The following WWOX variants were observed in gnomAD, a reference collection of about 807,000 sequenced individuals.
WWOX encodes WW domain containing oxidoreductase.
A neutral mutation model predicts 46.2 loss-of-function variants in WWOX; 69 were observed. The ratio of observed to expected loss-of-function variants is 1.49; its 90% confidence interval spans 1.23 to 1.82. The LOEUF is 1.82. Among genes scored for constraint, WWOX ranks in the 40% most tolerant of loss-of-function variants. WWOX has a pLI of 0.00. For synonymous variants in WWOX, 359 were observed against 202.6 expected (o/e 1.77, Z -6.56); for missense variants, 919 against 542.6 (o/e 1.69, Z -6.89).
At chr16:78,860,773 A>T (rs2052697861) in intron 8 of WWOX, among the ~76,000 whole-genome samples, 1 of 152,150 alleles carries the variant, frequency 6.6e-6, no homozygotes, top group African/African-American at 2.4e-5. Flanking sequence ...GAACTAGCTA[A>T]AATTAGGGAG....
intron 8 of WWOX, among the ~76,000 whole-genome samples, chr16:79,193,055 C>G (rs12443857): frequency 6.6e-6 from 1 of 152,194 alleles, no homozygotes; most frequent in Non-Finnish European, 1.5e-5. Context: ...CAAAGAGTTG[C>G]CAATTCTCTA....
intron 5 of WWOX, among the ~76,000 whole-genome samples, chr16:78,283,191 A>G (rs2079710082): frequency 6.6e-6 from 1 of 152,164 alleles, no homozygotes; most frequent in South Asian, 2.1e-4. Flanking sequence ...AGGCAACATG[A>G]CAACGTGCCT....
intron 6 of WWOX, among the ~76,000 whole-genome samples, chr16:78,411,927 A>G (rs2082690557): frequency 1.3e-5 from 2 of 152,196 alleles, no homozygotes; most frequent in African/African-American, 4.8e-5. Context: ...TCTACTGGAA[A>G]TCTGTTTCCG....
intron 5 of WWOX, among the ~76,000 whole-genome samples, chr16:78,376,549 A>C (rs921300647): frequency 2.0e-5 from 3 of 152,170 alleles, no homozygotes; most frequent in African/African-American, 7.2e-5. Flanking sequence ...GCTGATGACC[A>C]CTTGGGGTGA....
At chr16:79,032,870 A>G (rs866102868) in intron 8 of WWOX, among the ~76,000 whole-genome samples, 1 of 151,436 alleles carries the variant, frequency 6.6e-6, no homozygotes, top group Non-Finnish European at 1.5e-5. Flanking sequence ...TCACCCAGGT[A>G]TTAAGCCTAG....
chr16:78,353,482 A>G (rs1395117546), intron 5 of WWOX, among the ~76,000 whole-genome samples: 3 of 152,210 alleles, frequency 2.0e-5, no homozygotes, highest in Non-Finnish European at 4.4e-5. Flanking sequence ...AAGATGTTCA[A>G]TACGTAGCAC....
At chr16:78,945,930 C>T (rs1055011252) in intron 8 of WWOX, among the ~76,000 whole-genome samples, 3 of 152,108 alleles carry the variant, frequency 2.0e-5, no homozygotes, top group Admixed American at 1.3e-4. Flanking sequence ...CATCTCACCA[C>T]GTAGTCATTT....
intron 8 of WWOX, among the ~76,000 whole-genome samples, chr16:79,201,138 T>G: frequency 6.6e-6 from 1 of 152,090 alleles, no homozygotes; most frequent in East Asian, 1.9e-4. Context: ...AGGAGTCCAA[T>G]GTAAGGACTT....
intron 5 of WWOX, among the ~76,000 whole-genome samples, chr16:78,335,157 C>T (rs2080858902): frequency 6.6e-6 from 1 of 152,120 alleles, no homozygotes; most frequent in Non-Finnish European, 1.5e-5. Flanking sequence ...TTCCAGGGTA[C>T]ATGTGTAAGA....
chr16:78,783,888 T>TGAC lies in WWOX; in HGVS notation c.1056+351138_1056+351139insCGA, dbSNP rs67041978. 5.8e-3 allele frequency among the ~76,000 whole-genome samples: 80 copies of TGAC among 13,872 alleles called. No homozygotes were observed. In the Middle Eastern group the frequency reaches 0.11, roughly 19 times the overall value. 9.1% of individuals were successfully genotyped at this position (13,872 alleles called of 152,430 possible). On this transcript the variant is annotated intron_variant, in intron 8 of 8. Coordinates refer to ENST00000566780, the MANE Select transcript of WWOX (RefSeq NM_016373.4). ...ATGATGGTGATGACGATGATAATGG[T>TGAC]GATGATGGTGATGACGATGGTGATG...
At chr16:79,050,520 C>G (rs893605907) in intron 8 of WWOX, among the ~76,000 whole-genome samples, 3 of 152,116 alleles carry the variant, frequency 2.0e-5, no homozygotes, top group Admixed American at 2.0e-4. Flanking sequence ...AATCACATGG[C>G]TGAGCTCACG....
chr16:78,198,361 G>A (rs764251227), intron 5 of WWOX, among the ~76,000 whole-genome samples: 14 of 152,146 alleles, frequency 9.2e-5, no homozygotes, highest in Non-Finnish European at 1.6e-4. Context: ...CACATGCAAG[G>A]TAATATTTGA....
chr16:79,201,875 C>G (rs1486680760), intron 8 of WWOX, among the ~76,000 whole-genome samples: 2 of 152,110 alleles, frequency 1.3e-5, no homozygotes, highest in Admixed American at 1.3e-4. Flanking sequence ...TTTTGTTCAC[C>G]TGTTTATTTC....
intron 8 of WWOX, among the ~76,000 whole-genome samples, chr16:78,782,063 G>C (rs534347136): frequency 6.6e-6 from 1 of 152,150 alleles, no homozygotes. Flanking sequence ...GGAAGGGTAG[G>C]TGGCGGCTGC....
chr16:79,183,084 A>T (rs969016715), intron 8 of WWOX, among the ~76,000 whole-genome samples: 11 of 152,316 alleles, frequency 7.2e-5, no homozygotes, highest in Middle Eastern at 3.4e-3. Flanking sequence ...GCAACCCACT[A>T]TGGGTACTCC....
intron 8 of WWOX, among the ~76,000 whole-genome samples, chr16:78,867,496 GTGT>G (rs2044030272): frequency 6.6e-6 from 1 of 151,440 alleles, no homozygotes; most frequent in African/African-American, 2.4e-5. Context: ...GTGTGTGTGT[GTGT>G]GTGTGTGTGT....
chr16:78,376,056 G>A (rs1254427197), intron 5 of WWOX, among the ~76,000 whole-genome samples: 1 of 152,032 alleles, frequency 6.6e-6, no homozygotes, highest in Non-Finnish European at 1.5e-5. Flanking sequence ...CACCATCATG[G>A]CCAGGCTGTT....
chr16:79,041,395 CA>C (rs1478725374), intron 8 of WWOX, among the ~76,000 whole-genome samples: 1 of 152,146 alleles, frequency 6.6e-6, no homozygotes, highest in Non-Finnish European at 1.5e-5. Context: ...ATAAGGATTC[CA>C]CCCACCACGC....
chr16:78,542,127 C>T (rs2043912909), intron 8 of WWOX, among the ~76,000 whole-genome samples: 1 of 151,260 alleles, frequency 6.6e-6, no homozygotes, highest in Non-Finnish European at 1.5e-5. Context: ...GAGAAACCTC[C>T]CAAATTTCTA....
Sources: allele counts gnomAD v4.1 joint callset (sites outside exome capture counted in the v4.1 genomes callset), GRCh38; gene constraint gnomAD v4.1.1; transcripts MANE v1.5; gene names NCBI Gene and HGNC (gene_info 2026-07-23, HGNC 2026-07-21).